The following SLC10A6 variants were observed in gnomAD, a reference collection of about 807,000 sequenced individuals.
The protein encoded by SLC10A6 is solute carrier family 10 member 6.
A neutral mutation model predicts 30.0 loss-of-function variants in SLC10A6; 27 were observed. The observed-to-expected ratio is 0.90, with a 90% CI of 0.66 to 1.24. The LOEUF is 1.24. SLC10A6 is among the 50% of genes most tolerant of loss of function. SLC10A6 has a pLI of 0.00. For synonymous variants in SLC10A6, 166 were observed against 173.8 expected (o/e 0.95, Z 0.36); for missense variants, 439 against 457.0 (o/e 0.96, Z 0.36).
chr4:86,846,449 G>A (rs1019114309), intron 1 of SLC10A6, among the ~76,000 whole-genome samples: 8 of 152,128 alleles, frequency 5.3e-5, no homozygotes, highest in Non-Finnish European at 8.8e-5. Context: ...GCCAGGCGCC[G>A]TGGCTCACGC....
At chr4:86,848,485 G>T (rs1290698045) in intron 1 of SLC10A6, among the ~76,000 whole-genome samples, 1 of 152,194 alleles carries the variant, frequency 6.6e-6, no homozygotes, top group African/African-American at 2.4e-5. Context: ...GTGAGGTGCA[G>T]ACCTGCCTCC....
chr4:86,842,785 C>CT (rs1014358733), intron 1 of SLC10A6, among the ~76,000 whole-genome samples: 1 of 135,330 alleles, frequency 7.4e-6, no homozygotes, highest in Non-Finnish European at 1.6e-5. Flanking sequence ...ATGGACACCT[C>CT]TTTTCTTTCT....
chr4:86,841,201 T>C (rs1332649551), intron 1 of SLC10A6, among the ~76,000 whole-genome samples: 1 of 152,238 alleles, frequency 6.6e-6, no homozygotes, highest in Non-Finnish European at 1.5e-5. Flanking sequence ...CTCATGATTA[T>C]GGGAAGCAAA....
At chr4:86,824,579 T>A (rs34340100) in intron 5 of SLC10A6, among the ~76,000 whole-genome samples, 20,603 of 151,894 alleles carry the variant, frequency 0.14, 1,756 homozygotes, top group African/African-American at 0.23. Flanking sequence ...CATATATATT[T>A]TTTTTTTTCT....
chr4:86,842,843 T>C (rs1324696800), intron 1 of SLC10A6, among the ~76,000 whole-genome samples: 2 of 58,390 alleles, frequency 3.4e-5, no homozygotes, highest in East Asian at 3.0e-4. Flanking sequence ...TCTTTCTTTC[T>C]TTCTTTCTTT....
chr4:86,830,242 C>A (rs574989257), intron 3 of SLC10A6, among the ~76,000 whole-genome samples: 85 of 152,054 alleles, frequency 5.6e-4, no homozygotes, highest in Non-Finnish European at 1.1e-3. Context: ...AAAAAAAAAT[C>A]TTTTTATTAG....
chr4:86,843,992 C>T (rs1314437891), intron 1 of SLC10A6, among the ~76,000 whole-genome samples: 1 of 152,054 alleles, frequency 6.6e-6, no homozygotes, highest in Non-Finnish European at 1.5e-5. Flanking sequence ...TCCTGGCTAA[C>T]ATGGCGAAAC....
Position 86,823,883 on chromosome 4 carries a change from C to A in SLC10A6, c.939G>T (p.Arg313Ser). The change falls in exon 6 of 6, where the codon AGG becomes AGT. Residue 313 changes from arginine to serine, a missense_variant. Coordinates refer to ENST00000273905, the MANE Select transcript of SLC10A6 (RefSeq NM_197965.3). The stretch of plus-strand genomic sequence containing the variant: ...TTTTTCCATGTTTGTTCTTCAATCT[C>A]CTCTTGTACGTCTGATATGCTAGGT... The part of the protein sequence containing the change: ...LIVAAYQTYK[R>S]RLKNKHGKKN... The A allele has an allele frequency of 6.2e-7, 1 of 1,611,816 alleles. No individual in the cohort carries two copies. The highest frequency in any genetic ancestry group is 8.5e-7 in the Non-Finnish European group (1 of 1,178,846).
Position 86,848,972 on chromosome 4 carries a change from A to C in SLC10A6, c.144T>G (p.Ser48=), listed in dbSNP as rs763202167. 1.5e-5 allele frequency: 24 copies of C among 1,614,032 alleles called. 1 individual carries two copies. Among genetic ancestry groups the C allele is most frequent in the Non-Finnish European group, 1.8e-5 (21 of 1,180,028 alleles). The change falls in exon 1 of 6, where the codon TCT becomes TCG. Residue 48 remains serine (S), a synonymous_variant. Transcript: ENST00000273905. ...STVMMGLLMF[S]LGCSVEIRKL... ...TCCGGATCTCCACGGAACATCCCAA[A>C]GAGAACATGAGCAGCCCCATCATCA...
At chr4:86,846,141 T>C (rs1335828972) in intron 1 of SLC10A6, among the ~76,000 whole-genome samples, 1 of 152,234 alleles carries the variant, frequency 6.6e-6, no homozygotes, top group Non-Finnish European at 1.5e-5. Flanking sequence ...TTTTTGTTGG[T>C]ATTCAATTAT....
chr4:86,844,500 G>A (rs528241837), intron 1 of SLC10A6, among the ~76,000 whole-genome samples: 24 of 152,334 alleles, frequency 1.6e-4, no homozygotes, highest in African/African-American at 5.5e-4. Context: ...CCATGAAGCT[G>A]GACTGGCCTT....
chr4:86,823,769 A>G lies in SLC10A6; in HGVS notation c.1053T>C (p.Gly351=). 1 of 1,614,168 alleles carries G rather than the reference A, an allele frequency of 6.2e-7. No homozygotes were observed. The highest frequency in any genetic ancestry group is 8.5e-7 in the Non-Finnish European group (1 of 1,180,020). The change falls in exon 6 of 6, where the codon GGT becomes GGC. Residue 351 remains glycine, a synonymous_variant. Coordinates refer to ENST00000273905, the MANE Select transcript of SLC10A6 (RefSeq NM_197965.3). ...GCCCTGGTGGCCCAGGAGTGATGGC[A>G]CCTTCTTCATTCACCTCCAAGAAGG... The part of the protein sequence containing the change: ...TNAFLEVNEE[G]AITPGPPGPM...
At position 86,831,830 on chromosome 4, in the gene SLC10A6, T is replaced by TCACATAGA. The variant is rs1340108141; in HGVS notation, c.539_546dup (p.Asn183SerfsTer3). ...TTGGATTGTTTTGGCCATCTGTAAT[T>TCACATAGA]CACATAGACACCAAAGGCCACAGGA... is the stretch of plus-strand genomic sequence containing the variant. On this transcript the variant is annotated frameshift_variant, in exon 3 of 6. Coordinates refer to ENST00000273905, the MANE Select transcript of SLC10A6 (RefSeq NM_197965.3). LOFTEE classifies it high-confidence loss of function. 9 of 1,613,456 alleles carry TCACATAGA rather than the reference T, an allele frequency of 5.6e-6. No homozygotes were observed. Among genetic ancestry groups the TCACATAGA allele is most frequent in the Non-Finnish European group, 7.6e-6 (9 of 1,179,742 alleles).
In SLC10A6 at chr4:86,826,539, G is replaced by C. The variant is rs199692876; in HGVS notation, c.762-962C>G. On this transcript the variant is annotated intron_variant, in intron 4 of 5. Coordinates refer to ENST00000273905, the MANE Select transcript of SLC10A6 (RefSeq NM_197965.3). Reference sequence around the variant, plus strand: ...GAGGTTGCACTCCAGCCTGGGCAACGAGGTCTCAATAAATAAATAAATAAA... The same window carrying C: ...GAGGTTGCACTCCAGCCTGGGCAACCAGGTCTCAATAAATAAATAAATAAA... Among the ~76,000 whole-genome samples the C allele has an allele frequency of 3.6e-4, 36 of 100,320 alleles. 1 individual carries two copies. The East Asian group carries it at 7.9e-3, about 22-fold the overall frequency. 65.8% of individuals were successfully genotyped at this position (100,320 alleles called of 152,430 possible). A position where few individuals can be genotyped will look rare whatever the true frequency, so the allele number is the denominator to read the frequency against.
intron 1 of SLC10A6, 75 bp from the exon 2 acceptor site, chr4:86,833,499 C>T (rs1361316423): frequency 1.9e-6 from 2 of 1,063,516 alleles, no homozygotes; most frequent in Admixed American, 1.8e-5. Flanking sequence ...AAAAGCAACT[C>T]CTAGGACACA....
At chr4:86,844,729 A>T (rs1746365127) in intron 1 of SLC10A6, among the ~76,000 whole-genome samples, 1 of 152,200 alleles carries the variant, frequency 6.6e-6, no homozygotes, top group Admixed American at 6.5e-5. Flanking sequence ...CACTGCTGTA[A>T]AGAAATACCC....
intron 1 of SLC10A6, among the ~76,000 whole-genome samples, chr4:86,835,355 G>A (rs1291141370): frequency 3.9e-5 from 6 of 152,106 alleles, no homozygotes; most frequent in African/African-American, 1.2e-4. Flanking sequence ...TCCTGATATC[G>A]TGTGATCCTA....
intron 1 of SLC10A6, among the ~76,000 whole-genome samples, chr4:86,834,689 T>C (rs1746150417): frequency 6.6e-6 from 1 of 152,140 alleles, no homozygotes; most frequent in Non-Finnish European, 1.5e-5. Context: ...ACCAAGGGGA[T>C]TGGAAGTGTA....
In SLC10A6 at chr4:86,827,978, A is replaced by G. The variant is rs201945618; in HGVS notation, c.761+15T>C. 36 of 1,607,350 alleles carry G rather than the reference A, an allele frequency of 2.2e-5. No homozygotes were observed. The Admixed American group carries it at 3.9e-4, about 18-fold the overall frequency. On this transcript the variant is annotated intron_variant, in intron 4 of 5. Coordinates refer to ENST00000273905, the MANE Select transcript of SLC10A6 (RefSeq NM_197965.3). ...TTACCTTCCTCAAAAAAGTTTATGGATAGTTTAACTATACCTTTGCCAAGA... is the reference window on the plus strand; with the variant it reads ...TTACCTTCCTCAAAAAAGTTTATGGGTAGTTTAACTATACCTTTGCCAAGA...
Sources: allele counts gnomAD v4.1 joint callset (sites outside exome capture counted in the v4.1 genomes callset), GRCh38; gene constraint gnomAD v4.1.1; transcripts MANE v1.5; gene names NCBI Gene and HGNC (gene_info 2026-07-23, HGNC 2026-07-21).